The following FBXO11 variants were observed in gnomAD, a reference collection of about 807,000 sequenced individuals.
FBXO11 encodes the protein F-box only protein 11.
A neutral mutation model predicts 117.0 loss-of-function variants in FBXO11; 13 were observed. The observed-to-expected ratio is 0.11, with a 90% CI of 0.07 to 0.18. The LOEUF (loss-of-function observed/expected upper bound fraction) is 0.18, where lower values mean the gene tolerates loss of function less well. Ranked by LOEUF, FBXO11 falls within the 10% of genes least tolerant of loss-of-function variation. FBXO11 has a pLI of 1.00. For missense variants in FBXO11, 767 were observed against 1,164.4 expected (o/e 0.66, Z 4.97); for synonymous variants, 490 against 380.5 (o/e 1.29, Z -3.35).
intron 4 of FBXO11, among the ~76,000 whole-genome samples, chr2:47,836,374 C>CT (rs1267786622): frequency 6.6e-6 from 1 of 151,898 alleles, no homozygotes; most frequent in East Asian, 1.9e-4. Flanking sequence ...TGTTTTTTTC[C>CT]TTTTTTTTCT....
At position 47,861,921 on chromosome 2, in the gene FBXO11, TC is replaced by T. The variant is rs1674807933; in HGVS notation, c.233-22153del. On this transcript the variant is annotated intron_variant, in intron 1 of 22. Transcript: ENST00000403359. ...TGTAAGGTTAAGTTTTTTTTTTTTT[TC>T]TTGAGATAGAATCTTGCTCTGTTTC... is the stretch of plus-strand genomic sequence containing the variant. Among the ~76,000 whole-genome samples the T allele has an allele frequency of 2.0e-5, 3 of 151,124 alleles. No individual in the cohort carries two copies. The South Asian group carries it at 6.3e-4, about 32-fold the overall frequency.
At chr2:47,846,121 G>A (rs1238388681) in intron 1 of FBXO11, among the ~76,000 whole-genome samples, 6 of 152,284 alleles carry the variant, frequency 3.9e-5, no homozygotes, top group Admixed American at 6.5e-5. Flanking sequence ...CAAGAAACAC[G>A]AAATCATGGA....
chr2:47,901,063 G>GTATATA (rs562381351), intron 1 of FBXO11, among the ~76,000 whole-genome samples: 1 of 107,604 alleles, frequency 9.3e-6, no homozygotes, highest in Non-Finnish European at 2.2e-5. Context: ...ACATATATAT[G>GTATATA]TATATATATA....
intron 1 of FBXO11, among the ~76,000 whole-genome samples, chr2:47,849,400 C>G (rs761046214): frequency 6.6e-6 from 1 of 152,136 alleles, no homozygotes; most frequent in African/African-American, 2.4e-5. Flanking sequence ...AACACACATA[C>G]GTTCTTACAC....
rs372132628 is a variant in FBXO11 at position 47,809,066 on chromosome 2, C to T, written c.2555+92G>A. Reference sequence around the variant, plus strand: ...AATTTTCAGTTAGTTATAGTCTCAACACCGGCAAATAGCCAAAAATGCTAG... The same window carrying T: ...AATTTTCAGTTAGTTATAGTCTCAATACCGGCAAATAGCCAAAAATGCTAG... On this transcript the variant is annotated intron_variant, in intron 21 of 22. Coordinates refer to ENST00000403359, the MANE Select transcript of FBXO11 (RefSeq NM_001190274.2). The T allele has an allele frequency of 5.6e-4, 411 of 734,000 alleles. 8 individuals carry two copies. The South Asian group carries it at 7.1e-3, about 13-fold the overall frequency. 45.5% of individuals were successfully genotyped at this position (734,000 alleles called of 1,614,324 possible).
intron 11 of FBXO11, among the ~76,000 whole-genome samples, chr2:47,827,819 C>T (rs1388454404): frequency 6.6e-6 from 1 of 151,746 alleles, no homozygotes; most frequent in Non-Finnish European, 1.5e-5. Flanking sequence ...GCCTCAGCCT[C>T]CAAAGTAGCT....
intron 4 of FBXO11, among the ~76,000 whole-genome samples, chr2:47,837,350 A>G (rs1672662522): frequency 6.6e-6 from 1 of 152,250 alleles, no homozygotes; most frequent in African/African-American, 2.4e-5. Flanking sequence ...AACATGGTGA[A>G]ACCCTGTCTC....
intron 18 of FBXO11, chr2:47,811,077 C>G (rs992856155): frequency 6.6e-6 from 1 of 152,134 alleles, no homozygotes; most frequent in African/African-American, 2.4e-5. Context: ...AAACTTTCAC[C>G]TGGATGAGTG....
chr2:47,809,539 C>G, intron 20 of FBXO11, 61 bp downstream of exon 20: 1 of 1,237,348 alleles, frequency 8.1e-7, no homozygotes, highest in Non-Finnish European at 1.2e-6. Context: ...TATAAAACGG[C>G]TTCTGATTAT....
At chr2:47,901,097 A>T (rs1247351413) in intron 1 of FBXO11, among the ~76,000 whole-genome samples, 1 of 107,312 alleles carries the variant, frequency 9.3e-6, no homozygotes, top group Non-Finnish European at 2.0e-5. Flanking sequence ...ATATATATAC[A>T]TATATATGTA....
intron 11 of FBXO11, among the ~76,000 whole-genome samples, chr2:47,829,425 G>C (rs998115295): frequency 3.3e-5 from 5 of 151,888 alleles, no homozygotes; most frequent in African/African-American, 9.7e-5. Flanking sequence ...ATTTCTAGTA[G>C]AGACAGGGTT....
chr2:47,823,709 C>T (rs1377444897), intron 11 of FBXO11, among the ~76,000 whole-genome samples: 1 of 151,804 alleles, frequency 6.6e-6, no homozygotes, highest in Non-Finnish European at 1.5e-5. Context: ...GCCGAGATTG[C>T]GCCACTGCAC....
At chr2:47,839,041 A>T (rs200949788) in intron 3 of FBXO11, 38 bp from the exon 4 acceptor site, 686 of 1,563,936 alleles carry the variant, frequency 4.4e-4, no homozygotes, top group Non-Finnish European at 5.5e-4. Context: ...CATTCGAGCA[A>T]TAACTTTCTC....
chr2:47,808,688 C>T, intron 21 of FBXO11: 1 of 369,382 alleles, frequency 2.7e-6, no homozygotes, highest in Non-Finnish European at 4.8e-6. Flanking sequence ...TCAAATGTTT[C>T]TGGGCTGAAA....
chr2:47,885,907 A>C (rs185186676), intron 1 of FBXO11, among the ~76,000 whole-genome samples: 18 of 152,040 alleles, frequency 1.2e-4, no homozygotes, highest in Non-Finnish European at 1.6e-4. Context: ...TAGTTTAAGT[A>C]CCCCCACTAT....
At position 47,905,898 on chromosome 2, in the gene FBXO11, G is replaced by C; in HGVS notation, c.-178C>G. On this transcript the variant is annotated 5_prime_UTR_variant, in exon 1 of 23. Transcript: ENST00000403359. ...GAGCGGGACCCCGAGTCCGGAGAAA[G>C]GCCCGGGTAGACAGACGGAGACCGA... The C allele has an allele frequency of 1.4e-6, 1 of 690,092 alleles. No homozygotes were observed. The highest frequency in any genetic ancestry group is 3.1e-5 in the Admixed American group (1 of 32,180). 42.7% of individuals were successfully genotyped at this position (690,092 alleles called of 1,614,324 possible). A position where few individuals can be genotyped will look rare whatever the true frequency, so the allele number is the denominator to read the frequency against.
chr2:47,831,366 G>A lies in FBXO11; in HGVS notation c.1398+983C>T, dbSNP rs938913035. Among the ~76,000 whole-genome samples, 3 of 136,194 alleles carry A rather than the reference G, an allele frequency of 2.2e-5. No homozygotes were observed. The Admixed American group carries it at 2.5e-4, about 11-fold the overall frequency. The allele number at this position is 136,194 out of a possible 152,430, so 89.3% of individuals were successfully genotyped here. A position where few individuals can be genotyped will look rare whatever the true frequency, so the allele number is the denominator to read the frequency against. On this transcript the variant is annotated intron_variant, in intron 11 of 22. Transcript: ENST00000403359. Reference sequence around the variant, plus strand: ...GGAGGTGGAGGTTGCAGTGAGCCAAGATCACACCATTGCCATTGCACTCTA... The same window carrying A: ...GGAGGTGGAGGTTGCAGTGAGCCAAAATCACACCATTGCCATTGCACTCTA...
At chr2:47,852,663 G>T (rs192599126) in intron 1 of FBXO11, among the ~76,000 whole-genome samples, 76 of 152,294 alleles carry the variant, frequency 5.0e-4, no homozygotes, top group Non-Finnish European at 8.5e-4. Context: ...AATGATGATG[G>T]ATGATAATAA....
intron 1 of FBXO11, among the ~76,000 whole-genome samples, chr2:47,847,476 A>C (rs1272213930): frequency 2.6e-5 from 4 of 152,160 alleles, no homozygotes; most frequent in African/African-American, 7.2e-5. Context: ...TGGGAGGCCA[A>C]GACGGGAGGA....
Sources: allele counts gnomAD v4.1 joint callset (sites outside exome capture counted in the v4.1 genomes callset), GRCh38; gene constraint gnomAD v4.1.1; transcripts MANE v1.5; gene names NCBI Gene and HGNC (gene_info 2026-07-23, HGNC 2026-07-21).